LRSAM1: variants seen among roughly 807,000 people sequenced by gnomAD.
LRSAM1 encodes leucine rich repeat and sterile alpha motif containing 1.
Under a neutral mutation model 118.1 loss-of-function variants are expected in LRSAM1, and 96 were observed. That is an observed-to-expected ratio of 0.81 (90% CI 0.69 to 0.96). The LOEUF (loss-of-function observed/expected upper bound fraction) is 0.96. Among genes scored for constraint, LRSAM1 ranks in the 40% least tolerant of loss-of-function variants. The pLI is 0.00. For synonymous variants in LRSAM1, 322 were observed against 364.2 expected (o/e 0.88, Z 1.32); for missense variants, 804 against 915.5 (o/e 0.88, Z 1.57).
Position 127,495,959 on chromosome 9 carries a change from T to C in LRSAM1, c.1699-5T>C. 3 of 1,612,656 alleles carry C rather than the reference T, an allele frequency of 1.9e-6. No individual in the cohort carries two copies. Among genetic ancestry groups the C allele is most frequent in the South Asian group, 2.2e-5 (2 of 90,926 alleles). On this transcript the variant is annotated splice_region_variant and splice_polypyrimidine_tract_variant and intron_variant, in intron 22 of 25. Coordinates refer to ENST00000300417, the MANE Select transcript of LRSAM1 (RefSeq NM_001005373.4). ...CTGCTCATGGTACACGTTTCTGTCT[T>C]GCAGGAAGAGGGGATGGAGCGCCAG...
chr9:127,478,052 C>CAAAAAAAAAAAAA (rs368060643), intron 11 of LRSAM1, among the ~76,000 whole-genome samples: 1 of 72,272 alleles, frequency 1.4e-5, no homozygotes, highest in Non-Finnish European at 3.0e-5. Context: ...AACTCCGTCT[C>CAAAAAAAAAAAAA]AAAAAAAAAA....
At chr9:127,500,082 C>T (rs1027414128) in intron 24 of LRSAM1, among the ~76,000 whole-genome samples, 11 of 151,842 alleles carry the variant, frequency 7.2e-5, no homozygotes, top group East Asian at 5.8e-4. Flanking sequence ...ACTTAGCAGC[C>T]GGGCACGTTG....
rs556340793 is a variant in LRSAM1, at chr9:127,481,528, G to A, written c.1088+301G>A. On this transcript the variant is annotated intron_variant, in intron 15 of 25. Transcript: ENST00000300417. Reference sequence around the variant, plus strand: ...CTCACAAAGTACTGGGATTGCAGGCGTGAGCCACTGCTCCCGGCCAAGGAG... The same window carrying A: ...CTCACAAAGTACTGGGATTGCAGGCATGAGCCACTGCTCCCGGCCAAGGAG... Among the ~76,000 whole-genome samples, 5 of 152,182 alleles carry A rather than the reference G, an allele frequency of 3.3e-5. No homozygotes were observed. The South Asian group carries it at 6.2e-4, about 19-fold the overall frequency.
intron 17 of LRSAM1, 143 bp from the exon 18 acceptor site, chr9:127,487,533 C>G (rs1218218885): frequency 4.1e-6 from 3 of 729,668 alleles, no homozygotes; most frequent in Admixed American, 4.1e-5. Context: ...TGTGGCCCAC[C>G]CAGGGCCCGG....
intron 9 of LRSAM1, among the ~76,000 whole-genome samples, chr9:127,466,485 T>TATATATATATATATATATAG (rs1834930088): frequency 4.2e-5 from 1 of 24,024 alleles, no homozygotes; most frequent in African/African-American, 2.3e-4. Flanking sequence ...CATATATATA[T>TATATATATATATATATATAG]ATATATATAT....
chr9:127,469,593 C>T (rs4837155), intron 10 of LRSAM1, among the ~76,000 whole-genome samples: 6,164 of 149,672 alleles, frequency 0.041, 187 homozygotes, highest in Non-Finnish European at 0.059. Context: ...TTGACAAACC[C>T]ACTAAAATGG....
In LRSAM1 at chr9:127,473,880, C is replaced by T. The variant is rs532247323; in HGVS notation, c.699C>T (p.Asp233=). 6.2e-7 allele frequency: 1 copy of T among 1,614,248 alleles called. No individual in the cohort carries two copies. The highest frequency in any genetic ancestry group is 1.1e-5 in the South Asian group (1 of 91,086). The change falls in exon 11 of 26, where the codon GAC becomes GAT. Residue 233 remains aspartate, a synonymous_variant. Transcript: ENST00000300417. ...LEQDGIENSR[D]SPDGPTDRFS... is the part of the protein sequence containing the mutation. ...AAGATGGAATCGAGAACTCTCGGGA[C>T]AGCCCTGATGGGCCCACGGACAGAT...
chr9:127,497,769 G>A (rs1377440245), intron 24 of LRSAM1, among the ~76,000 whole-genome samples: 4 of 152,212 alleles, frequency 2.6e-5, no homozygotes, highest in African/African-American at 7.2e-5. Flanking sequence ...AAGGCAGGTC[G>A]TGAGGCCCGT....
chr9:127,500,358 CAAAAA>C (rs563842364), intron 24 of LRSAM1, among the ~76,000 whole-genome samples: 2 of 93,562 alleles, frequency 2.1e-5, no homozygotes, highest in Non-Finnish European at 4.3e-5. Context: ...GAGACTGTCT[CAAAAA>C]AAAAAAAAAA....
rs1834423179 is a variant in LRSAM1 at position 127,454,071 on chromosome 9, C to CCCTGCCCCT, written c.-32-425_-32-424insCCTGCCCCT. On this transcript the variant is annotated intron_variant, in intron 2 of 25. Transcript: ENST00000300417. Reference sequence around the variant, plus strand: ...AATAGAAAGACGCAGCCCCTGCCCCCGTGGAACTCACTAGAAAGACGCAGC... The same window carrying CCCTGCCCCT: ...AATAGAAAGACGCAGCCCCTGCCCCCCCTGCCCCTGTGGAACTCACTAGAAAGACGCAGC... The CCCTGCCCCT allele has an allele frequency of 8.1e-6, 2 of 245,558 alleles. 1 individual carries two copies. The highest frequency in any genetic ancestry group is 6.7e-5 in the African/African-American group (2 of 29,834). 15.2% of individuals were successfully genotyped at this position (245,558 alleles called of 1,614,324 possible). A position where few individuals can be genotyped will look rare whatever the true frequency, so the allele number is the denominator to read the frequency against.
intron 11 of LRSAM1, among the ~76,000 whole-genome samples, chr9:127,476,260 C>T (rs903497033): frequency 7.9e-5 from 12 of 152,270 alleles, no homozygotes; most frequent in African/African-American, 2.6e-4. Context: ...CTCGCTGGGA[C>T]ACATGGATTA....
chr9:127,455,985 C>T (rs1274510705), intron 5 of LRSAM1, among the ~76,000 whole-genome samples: 2 of 152,022 alleles, frequency 1.3e-5, no homozygotes, highest in Non-Finnish European at 2.9e-5. Flanking sequence ...GTGTACATGC[C>T]TACCACGTAG....
chr9:127,502,595 G>A (rs1029534167), intron 25 of LRSAM1, among the ~76,000 whole-genome samples, 179 bp from the exon 26 acceptor site: 3 of 150,912 alleles, frequency 2.0e-5, no homozygotes, highest in Admixed American at 6.6e-5. Flanking sequence ...GCTGAGGCAG[G>A]AGAATCACTT....
At chr9:127,466,503 T>TATATATATAC (rs1834946778) in intron 9 of LRSAM1, among the ~76,000 whole-genome samples, 3 of 22,694 alleles carry the variant, frequency 1.3e-4, no homozygotes, top group African/African-American at 5.4e-4. Flanking sequence ...TATATATATA[T>TATATATATAC]ATTTTTTTTT....
At position 127,467,904 on chromosome 9, in the gene LRSAM1, C is replaced by G. The variant is rs1269434242; in HGVS notation, c.619+74C>G. The G allele has an allele frequency of 3.5e-6, 5 of 1,441,206 alleles. No homozygotes were observed. The African/African-American group carries it at 4.2e-5, about 12-fold the overall frequency. The allele number at this position is 1,441,206 out of a possible 1,614,324, so 89.3% of individuals were successfully genotyped here. A position where few individuals can be genotyped will look rare whatever the true frequency, so the allele number is the denominator to read the frequency against. On this transcript the variant is annotated intron_variant, in intron 10 of 25. Coordinates refer to ENST00000300417, the MANE Select transcript of LRSAM1 (RefSeq NM_001005373.4). The stretch of plus-strand genomic sequence containing the variant: ...CATGGCCACCCTGTGCCAGCCCAGG[C>G]TGGGGAACAGCAGAGACAGAAATGG...
intron 14 of LRSAM1, 47 bp downstream of exon 14, chr9:127,480,025 A>C (rs766651362): frequency 6.2e-7 from 1 of 1,613,718 alleles, no homozygotes. Context: ...TTCCCCGTGC[A>C]GTCCCCTGAG....
intron 5 of LRSAM1, among the ~76,000 whole-genome samples, chr9:127,456,660 C>G (rs893589437): frequency 1.3e-5 from 2 of 151,974 alleles, no homozygotes; most frequent in Non-Finnish European, 2.9e-5. Context: ...GTCAGGAGAT[C>G]AAGACCATCC....
chr9:127,492,459 C>T (rs1274653868), intron 20 of LRSAM1, among the ~76,000 whole-genome samples: 1 of 152,206 alleles, frequency 6.6e-6, no homozygotes, highest in Non-Finnish European at 1.5e-5. Context: ...TTGTGTGGGG[C>T]CCCACACTGC....
chr9:127,503,273 C>G lies in LRSAM1; in HGVS notation c.*374C>G, dbSNP rs1291881709. The G allele has an allele frequency of 3.1e-6, 1 of 319,262 alleles. No homozygotes were observed. Among genetic ancestry groups the G allele is most frequent in the East Asian group, 8.2e-5 (1 of 12,236 alleles). The allele number at this position is 319,262 out of a possible 1,614,324, so 19.8% of individuals were successfully genotyped here. ...TCTGGGGGCCATGCACAGGCCCGTC[C>G]CACCCTGCATGTGGGAAGGGAGCAG... On this transcript the variant is annotated 3_prime_UTR_variant, in exon 26 of 26. Transcript: ENST00000300417.
Sources: allele counts gnomAD v4.1 joint callset (sites outside exome capture counted in the v4.1 genomes callset), GRCh38; gene constraint gnomAD v4.1.1; transcripts MANE v1.5; gene names NCBI Gene and HGNC (gene_info 2026-07-23, HGNC 2026-07-21).